Variants in CNTNAP3 observed in about 807,000 individuals in gnomAD.
The protein encoded by CNTNAP3 is contactin-associated protein-like 3.
In CNTNAP3, 36 loss-of-function variants were observed where a neutral mutation model predicts 92.1. The observed-to-expected ratio is 0.39, with a 90% CI of 0.30 to 0.52. The LOEUF is 0.52. Among genes scored for constraint, CNTNAP3 ranks in the 20% least tolerant of loss-of-function variants. CNTNAP3 has a pLI of 0.76. For missense variants in CNTNAP3, 534 were observed against 1,069.6 expected (o/e 0.50, Z 6.98); for synonymous variants, 232 against 422.3 (o/e 0.55, Z 5.53).
At chr9:39,184,112 AT>A (rs1309281062) in intron 4 of CNTNAP3, among the ~76,000 whole-genome samples, 2 of 144,026 alleles carry the variant, frequency 1.4e-5, no homozygotes, top group South Asian at 2.1e-4. Flanking sequence ...GTTCTTTCTT[AT>A]TGCTTGGGGT....
intron 10 of CNTNAP3, among the ~76,000 whole-genome samples, chr9:39,148,492 C>T (rs993177023): frequency 6.6e-6 from 1 of 150,820 alleles, no homozygotes; most frequent in Non-Finnish European, 1.5e-5. Flanking sequence ...ATGAAGAAGG[C>T]AGGTTTTGAA....
At position 39,069,443 on chromosome 9, in the gene CNTNAP3, G is replaced by C. The variant is rs555484360; in HGVS notation, c.*4447C>G. Among the ~76,000 whole-genome samples the C allele has an allele frequency of 6.6e-6, 1 of 152,310 alleles. No homozygotes were observed. The highest frequency in any genetic ancestry group is 1.5e-5 in the Non-Finnish European group (1 of 68,056). On this transcript the variant is annotated 3_prime_UTR_variant, in exon 24 of 24. Coordinates refer to ENST00000297668, the MANE Select transcript of CNTNAP3 (RefSeq NM_033655.5). ...TAGCTAAGTTAGAAATTTTCATATC[G>C]CAAAATCTAAAAGTTCATCTTATGA...
rs192766295 is a variant in CNTNAP3, at chr9:39,259,174, G to A, written c.196+7722C>T. Among the ~76,000 whole-genome samples the A allele has an allele frequency of 2.1e-4, 5 of 23,500 alleles. 2 individuals carry two copies. The highest frequency in any genetic ancestry group is 7.2e-4 in the Admixed American group (1 of 1,388). 15.4% of individuals were successfully genotyped at this position (23,500 alleles called of 152,430 possible). A position where few individuals can be genotyped will look rare whatever the true frequency, so the allele number is the denominator to read the frequency against. ...CTCCCAAAGTGCTGGGATTACAGGCGTGAACCACCGTGCCCGGTCCTGCAC... is the reference window on the plus strand; with the variant it reads ...CTCCCAAAGTGCTGGGATTACAGGCATGAACCACCGTGCCCGGTCCTGCAC... On this transcript the variant is annotated intron_variant, in intron 2 of 23. Coordinates refer to ENST00000297668, the MANE Select transcript of CNTNAP3 (RefSeq NM_033655.5).
intron 14 of CNTNAP3, among the ~76,000 whole-genome samples, chr9:39,113,367 C>A (rs955969420): frequency 2.0e-5 from 3 of 152,112 alleles, no homozygotes; most frequent in African/African-American, 7.2e-5. Context: ...TTCCACAGAA[C>A]TTTACATTTT....
At chr9:39,103,526 G>A (rs1182026462) in intron 16 of CNTNAP3, among the ~76,000 whole-genome samples, 1 of 151,528 alleles carries the variant, frequency 6.6e-6, no homozygotes, top group Non-Finnish European at 1.5e-5. Flanking sequence ...AGGTTGCAGT[G>A]AGCCAAGATA....
At chr9:39,086,370 C>G (rs1040672942) in intron 20 of CNTNAP3, 19 of 286,716 alleles carry the variant, frequency 6.6e-5, no homozygotes, top group African/African-American at 4.2e-4. Context: ...CAAGTTCCCA[C>G]TGCAGTATCA....
At chr9:39,149,252 T>C (rs1233809216) in intron 10 of CNTNAP3, among the ~76,000 whole-genome samples, 1 of 152,182 alleles carries the variant, frequency 6.6e-6, no homozygotes, top group Non-Finnish European at 1.5e-5. Flanking sequence ...GCTGAGCAAC[T>C]TGGGATCATA....
chr9:39,152,809 C>A (rs1478288919), intron 9 of CNTNAP3, among the ~76,000 whole-genome samples: 1 of 119,862 alleles, frequency 8.3e-6, no homozygotes, highest in East Asian at 2.5e-4. Flanking sequence ...GCACGCGCCA[C>A]CACACCCTGC....
intron 18 of CNTNAP3, among the ~76,000 whole-genome samples, chr9:39,092,751 T>C (rs1826235054): frequency 7.3e-6 from 1 of 137,306 alleles, no homozygotes; most frequent in Non-Finnish European, 1.6e-5. Context: ...TTTTATTTTT[T>C]TCAACTCTAT....
Position 39,103,887 on chromosome 9 carries a change from T to C in CNTNAP3, c.2393A>G (p.Asn798Ser), listed in dbSNP as rs532067833. ...DQSFWNSASF[N>S]TETSYLHFPA... ...GAAATGAAGGTATGAAGTCTCAGTG[T>C]TGAAGGAAGCTGAATTCCAGAATGA... Residue 798 changes from asparagine (N) to serine (S), a missense_variant, in exon 16 of 24, where the codon AAC becomes AGC. Transcript: ENST00000297668. 31 of 1,609,796 alleles carry C rather than the reference T, an allele frequency of 1.9e-5. No homozygotes were observed. In the African/African-American group the frequency reaches 4.0e-4, roughly 21 times the overall value.
chr9:39,123,390 C>A (rs1821082625), intron 13 of CNTNAP3, among the ~76,000 whole-genome samples: 1 of 152,118 alleles, frequency 6.6e-6, no homozygotes, highest in African/African-American at 2.4e-5. Context: ...GTCACCGCGC[C>A]CGACCCTGTT....
chr9:39,077,372 C>G (rs1172915597), intron 23 of CNTNAP3, among the ~76,000 whole-genome samples: 1 of 151,752 alleles, frequency 6.6e-6, no homozygotes, highest in Non-Finnish European at 1.5e-5. Flanking sequence ...TCCTGGCTAA[C>G]AGGGTGAAAC....
At chr9:39,112,607 G>A (rs1204955088) in intron 14 of CNTNAP3, among the ~76,000 whole-genome samples, 7 of 152,040 alleles carry the variant, frequency 4.6e-5, no homozygotes, top group Admixed American at 2.0e-4. Flanking sequence ...TTCATGATCC[G>A]CCCGCCTTGG....
chr9:39,084,808 T>G (rs1826030826), intron 21 of CNTNAP3, among the ~76,000 whole-genome samples: 1 of 152,008 alleles, frequency 6.6e-6, no homozygotes, highest in Non-Finnish European at 1.5e-5. Context: ...GTTTGATGAT[T>G]ATCTCTACCT....
intron 11 of CNTNAP3, among the ~76,000 whole-genome samples, chr9:39,142,373 T>G (rs970195080): frequency 6.6e-6 from 1 of 152,036 alleles, no homozygotes; most frequent in Non-Finnish European, 1.5e-5. Flanking sequence ...ACTCAACTCC[T>G]AGAAAATGTG....
In CNTNAP3 at chr9:39,067,542, C is replaced by T. The variant is rs1349122735; in HGVS notation, c.*6348G>A. 2.9e-3 allele frequency among the ~76,000 whole-genome samples: 431 copies of T among 149,510 alleles called. No individual in the cohort carries two copies. The highest frequency in any genetic ancestry group is 0.011 in the African/African-American group (411 of 38,862). On this transcript the variant is annotated 3_prime_UTR_variant, in exon 24 of 24. Transcript: ENST00000297668. ...CCTCCCGAGTAGCTGGGACTTCAGGCGCCCAACACCACGCCCGGCTAATTT... is the reference window on the plus strand; with the variant it reads ...CCTCCCGAGTAGCTGGGACTTCAGGTGCCCAACACCACGCCCGGCTAATTT...
chr9:39,104,477 TACACACACACACACAC>T lies in CNTNAP3; in HGVS notation c.2366-579_2366-564del, dbSNP rs60068368. ...TTGCTTTCCTTCCTGCACATACACATACACACACACACACACACACACACACACACACACACACACA... is the reference window on the plus strand; with the variant it reads ...TTGCTTTCCTTCCTGCACATACACATACACACACACACACACACACACACA... On this transcript the variant is annotated intron_variant, in intron 15 of 23. Coordinates refer to ENST00000297668, the MANE Select transcript of CNTNAP3 (RefSeq NM_033655.5). Among the ~76,000 whole-genome samples the T allele has an allele frequency of 6.9e-3, 844 of 123,186 alleles. 21 individuals are homozygous for T. The South Asian group carries it at 0.1, about 15-fold the overall frequency. The allele number at this position is 123,186 out of a possible 152,430, so 80.8% of individuals were successfully genotyped here.
chr9:39,099,299 T>C (rs1434222108), intron 18 of CNTNAP3, among the ~76,000 whole-genome samples: 1 of 152,174 alleles, frequency 6.6e-6, no homozygotes, highest in Non-Finnish European at 1.5e-5. Flanking sequence ...AGCTGTGTGA[T>C]ACCCCACTGC....
rs191172725 is a variant in CNTNAP3, at chr9:39,071,520, C to T, written c.*2370G>A. On this transcript the variant is annotated 3_prime_UTR_variant, in exon 24 of 24. Transcript: ENST00000297668. Reference sequence around the variant, plus strand: ...TCAAATGAAGAATGGTAATTATATGCTATTTTCTTTTTTAATTTGAAGAAA... The same window carrying T: ...TCAAATGAAGAATGGTAATTATATGTTATTTTCTTTTTTAATTTGAAGAAA... Among the ~76,000 whole-genome samples the T allele has an allele frequency of 2.3e-3, 345 of 151,918 alleles. 1 individual carries two copies. Among genetic ancestry groups the T allele is most frequent in the South Asian group, 0.01 (49 of 4,804 alleles).
Sources: allele counts gnomAD v4.1 joint callset (sites outside exome capture counted in the v4.1 genomes callset), GRCh38; gene constraint gnomAD v4.1.1; transcripts MANE v1.5; gene names NCBI Gene and HGNC (gene_info 2026-07-23, HGNC 2026-07-21).